The following ARL9 variants were observed in gnomAD, a reference collection of about 807,000 sequenced individuals.
ARL9 encodes ARF like GTPase 9.
In ARL9, 14 loss-of-function variants were observed where a neutral mutation model predicts 27.0. The observed-to-expected ratio is 0.52, with a 90% CI of 0.34 to 0.81. The LOEUF (loss-of-function observed/expected upper bound fraction) is 0.81, where lower values mean the gene tolerates loss of function less well. Ranked by LOEUF, ARL9 falls within the 30% of genes least tolerant of loss-of-function variation. The pLI is 0.01. For synonymous variants in ARL9, 106 were observed against 108.7 expected (o/e 0.98, Z 0.15); for missense variants, 294 against 290.0 (o/e 1.01, Z -0.10).
At chr4:56,507,960 T>C (rs1294377572) in intron 1 of ARL9, among the ~76,000 whole-genome samples, 2 of 131,072 alleles carry the variant, frequency 1.5e-5, no homozygotes, top group African/African-American at 6.1e-5. Flanking sequence ...AGAGAGATTC[T>C]GTATCAAAAA....
chr4:56,505,688 C>T (rs1422535764), upstream of ARL9: 5 of 1,118,950 alleles, frequency 4.5e-6, no homozygotes, highest in African/African-American at 4.8e-5. Flanking sequence ...GCCCTGCATC[C>T]GCGAGGTAAG....
Position 56,518,665 on chromosome 4 carries a change from C to T in ARL9, c.443-13C>T. 1 of 1,606,834 alleles carries T rather than the reference C, an allele frequency of 6.2e-7. No homozygotes were observed. On this transcript the variant is annotated splice_polypyrimidine_tract_variant and intron_variant, in intron 2 of 3. Coordinates refer to ENST00000640821, the MANE Select transcript of ARL9 (RefSeq NM_001363794.2). ...TGTGTGTGTGTGTCTTCTTCCTCTA[C>T]TATTCTCTGTAGTTGGTGGCAGTAA...
intron 1 of ARL9, among the ~76,000 whole-genome samples, chr4:56,507,963 A>G (rs1006118258): frequency 1.0e-4 from 13 of 126,338 alleles, no homozygotes; most frequent in African/African-American, 3.9e-4. Context: ...GAGATTCTGT[A>G]TCAAAAAAAA....
chr4:56,511,492 C>A, intron 2 of ARL9, 145 bp downstream of exon 2: 2 of 897,366 alleles, frequency 2.2e-6, no homozygotes, highest in East Asian at 2.7e-5. Flanking sequence ...TAGTTTAATA[C>A]CCAGGTACAC....
In ARL9 at chr4:56,506,061, G is replaced by C; in HGVS notation, c.199G>C (p.Glu67Gln). ...AAAGCAAGGGAAGGAGACAAACAAA[G>C]AGAAGGAACAATTTAAGGGACAAGA... ...RTKQGKETNKEKEQFKGQEEK... is the reference protein window; with the variant it reads ...RTKQGKETNKQKEQFKGQEEK... Residue 67 changes from glutamate to glutamine, a missense_variant, in exon 1 of 4, where the codon GAG becomes CAG. Transcript: ENST00000640821. The C allele has an allele frequency of 8.1e-7, 1 of 1,234,696 alleles. No individual in the cohort carries two copies. Among genetic ancestry groups the C allele is most frequent in the Non-Finnish European group, 1.0e-6 (1 of 989,398 alleles). The allele number at this position is 1,234,696 out of a possible 1,614,324, so 76.5% of individuals were successfully genotyped here. A position where few individuals can be genotyped will look rare whatever the true frequency, so the allele number is the denominator to read the frequency against.
In ARL9 at chr4:56,507,331, T is replaced by A. The variant is rs781742065; in HGVS notation, c.279+1190T>A. Reference sequence around the variant, plus strand: ...AACTGATATTTTTGTTTTTGTTTTTTTGAGACAGAGTCTGGCTCTGTCGCC... The same window carrying A: ...AACTGATATTTTTGTTTTTGTTTTTATGAGACAGAGTCTGGCTCTGTCGCC... On this transcript the variant is annotated intron_variant, in intron 1 of 3. Coordinates refer to ENST00000640821, the MANE Select transcript of ARL9 (RefSeq NM_001363794.2). Among the ~76,000 whole-genome samples the A allele has an allele frequency of 1.2e-4, 18 of 152,084 alleles. No homozygotes were observed. The South Asian group carries it at 2.1e-3, about 18-fold the overall frequency.
chr4:56,515,851 T>A (rs1721754009), intron 2 of ARL9, among the ~76,000 whole-genome samples: 1 of 152,100 alleles, frequency 6.6e-6, no homozygotes, highest in Admixed American at 6.6e-5. Context: ...AGACATTATA[T>A]CAAAAGAATT....
intron 3 of ARL9, among the ~76,000 whole-genome samples, chr4:56,521,217 C>CAA (rs57537197): frequency 4.2e-5 from 4 of 94,912 alleles, no homozygotes; most frequent in South Asian, 3.2e-4. Flanking sequence ...CCCCAAAAAA[C>CAA]AAAAAAAAAA....
In ARL9 at chr4:56,517,013, G is replaced by T. The variant is rs140039046; in HGVS notation, c.443-1665G>T. ...ATTAGCTGTTGGCAGAGTGTGTATT[G>T]GTACCAACTTCTTTGGAAAACAATT... On this transcript the variant is annotated intron_variant, in intron 2 of 3. Coordinates refer to ENST00000640821, the MANE Select transcript of ARL9 (RefSeq NM_001363794.2). Among the ~76,000 whole-genome samples the T allele has an allele frequency of 3.4e-4, 52 of 152,262 alleles. No individual in the cohort carries two copies. In the East Asian group the frequency reaches 9.6e-3, roughly 28 times the overall value.
intron 1 of ARL9, among the ~76,000 whole-genome samples, chr4:56,509,834 T>C (rs1721585903): frequency 6.6e-6 from 1 of 150,894 alleles, no homozygotes; most frequent in Non-Finnish European, 1.5e-5. Context: ...CAGCCTCCCG[T>C]GTAGCTGGGA....
chr4:56,509,697 G>A (rs1489047867), intron 1 of ARL9, among the ~76,000 whole-genome samples: 2 of 138,884 alleles, frequency 1.4e-5, no homozygotes, highest in Non-Finnish European at 3.0e-5. Flanking sequence ...ACTGCACTGG[G>A]CTAATTTTTT....
chr4:56,522,594 A>C (rs2110157045), intron 3 of ARL9, among the ~76,000 whole-genome samples: 1 of 152,338 alleles, frequency 6.6e-6, no homozygotes, highest in East Asian at 1.9e-4. Flanking sequence ...GGACTGGAAA[A>C]CTATAGCTGA....
intron 2 of ARL9, among the ~76,000 whole-genome samples, chr4:56,517,735 A>G (rs1721803133): frequency 6.6e-6 from 1 of 152,196 alleles, no homozygotes; most frequent in Non-Finnish European, 1.5e-5. Context: ...TTAACCAAAA[A>G]GTTTATTCCG....
In ARL9 at chr4:56,505,791, A is replaced by G; in HGVS notation, c.-72A>G. On this transcript the variant is annotated 5_prime_UTR_variant, in exon 1 of 4. Transcript: ENST00000640821. The stretch of plus-strand genomic sequence containing the variant: ...CTGTCGGGCGTGCACCTCGGGAGCC[A>G]CACCTGGGGCCCAGAGCCACCGCTC... 7.5e-7 allele frequency: 1 copy of G among 1,337,062 alleles called. No homozygotes were observed. 82.8% of individuals were successfully genotyped at this position (1,337,062 alleles called of 1,614,324 possible). A position where few individuals can be genotyped will look rare whatever the true frequency, so the allele number is the denominator to read the frequency against.
chr4:56,505,682 T>A (rs75898438), upstream of ARL9: 1 of 1,045,492 alleles, frequency 9.6e-7, no homozygotes, highest in East Asian at 2.8e-5. Flanking sequence ...CAAGAAGCCC[T>A]GCATCCGCGA....
At position 56,523,923 on chromosome 4, in the gene ARL9, G is replaced by T. The variant is rs1230090740; in HGVS notation, c.*47G>T. On this transcript the variant is annotated 3_prime_UTR_variant, in exon 4 of 4. Transcript: ENST00000640821. ...GGCTCACGACTGAGATGTCATCAGTGTTGAATGGCAGGCTTGAAGCCAAAG... is the reference window on the plus strand; with the variant it reads ...GGCTCACGACTGAGATGTCATCAGTTTTGAATGGCAGGCTTGAAGCCAAAG... 3.9e-6 allele frequency: 6 copies of T among 1,529,248 alleles called. No homozygotes were observed. Among genetic ancestry groups the T allele is most frequent in the Non-Finnish European group, 5.3e-6 (6 of 1,136,172 alleles). 94.7% of individuals were successfully genotyped at this position (1,529,248 alleles called of 1,614,324 possible).
At chr4:56,508,969 A>G (rs1003208295) in intron 1 of ARL9, among the ~76,000 whole-genome samples, 1 of 152,194 alleles carries the variant, frequency 6.6e-6, no homozygotes, top group Non-Finnish European at 1.5e-5. Context: ...TTTTTTGTGC[A>G]TAAGAAACTT....
At chr4:56,505,787 A>C, upstream of ARL9, 5 of 1,342,836 alleles carry the variant, frequency 3.7e-6, no homozygotes, top group South Asian at 1.0e-4. Context: ...GCACCTCGGG[A>C]GCCACACCTG....
rs1478920608 is a variant in ARL9, at chr4:56,524,446, A to G, written c.*570A>G. On this transcript the variant is annotated 3_prime_UTR_variant, in exon 4 of 4. Transcript: ENST00000640821. ...TTTAATCAACAAAGGTAAAATGAAC[A>G]TTAGCAAGCATTTGTCCCATTTATT... The G allele has an allele frequency of 3.3e-5, 5 of 152,352 alleles. No individual in the cohort carries two copies. The highest frequency in any genetic ancestry group is 5.9e-5 in the Non-Finnish European group (4 of 68,120). The allele number at this position is 152,352 out of a possible 1,614,324, so 9.4% of individuals were successfully genotyped here. A position where few individuals can be genotyped will look rare whatever the true frequency, so the allele number is the denominator to read the frequency against.
Sources: allele counts gnomAD v4.1 joint callset (sites outside exome capture counted in the v4.1 genomes callset), GRCh38; gene constraint gnomAD v4.1.1; transcripts MANE v1.5; gene names NCBI Gene and HGNC (gene_info 2026-07-23, HGNC 2026-07-21).